Variants in INTS10 observed in about 807,000 individuals in gnomAD.
The protein encoded by INTS10 is chromosome 8 open reading frame 35.
A neutral mutation model predicts 94.4 loss-of-function variants in INTS10; 44 were observed. The observed-to-expected ratio is 0.47, with a 90% CI of 0.37 to 0.60. The LOEUF is 0.60. Ranked by LOEUF, INTS10 falls within the 20% of genes least tolerant of loss-of-function variation. INTS10 has a pLI of 0.00. For synonymous variants in INTS10, 341 were observed against 320.7 expected, an observed-to-expected ratio of 1.06 and a Z score of -0.68; for missense variants, 797 against 868.7, an observed-to-expected ratio of 0.92 and a Z score of 1.04.
At position 19,833,229 on chromosome 8, in the gene INTS10, T is replaced by C; in HGVS notation, c.1438T>C (p.Ser480Pro). 1.2e-6 allele frequency: 2 copies of C among 1,612,934 alleles called. No homozygotes were observed. Among genetic ancestry groups the C allele is most frequent in the Non-Finnish European group, 1.7e-6 (2 of 1,179,456 alleles). ...CTTAGCAGCTCTCCAGGGATCCATT[T>C]CTCAGCCACAGATCACAGGGCAGGG... ...HHLAALQGSI[S>P]QPQITGQGTL... Residue 480 changes from serine to proline, a missense_variant, in exon 12 of 17, where the codon TCT becomes CCT. Ser to Pro is a moderately conservative substitution (Grantham distance 74). This residue lies in a region of INTS10 where 734 missense variants were observed against 787.8 expected (regional missense o/e 0.93). Coordinates refer to ENST00000397977, the MANE Select transcript of INTS10 (RefSeq NM_018142.4).
intron 2 of INTS10, 55 bp downstream of exon 2, chr8:19,818,397 T>A (rs755277564): frequency 8.3e-5 from 128 of 1,551,452 alleles, no homozygotes; most frequent in Non-Finnish European, 1.1e-4. Flanking sequence ...CATGAGGTTT[T>A]GTTTCTCTCT....
At chr8:19,847,263 G>A (rs1455549497) in intron 16 of INTS10, among the ~76,000 whole-genome samples, 1 of 152,170 alleles carries the variant, frequency 6.6e-6, no homozygotes, top group African/African-American at 2.4e-5. Context: ...AAATACACGA[G>A]ACCTTTCTGC....
intron 14 of INTS10, 69 bp downstream of exon 14, chr8:19,842,996 T>G: frequency 9.2e-7 from 1 of 1,084,996 alleles, no homozygotes; most frequent in East Asian, 2.4e-5. Context: ...CTCGAGAACT[T>G]GAGAACCTTG....
intron 13 of INTS10, chr8:19,842,097 G>T (rs190846135): frequency 3.2e-4 from 76 of 237,296 alleles, no homozygotes; most frequent in South Asian, 2.8e-3. Context: ...ATTGCTTAAA[G>T]TTATTTCCAC....
At chr8:19,840,062 CAAAAAAAAAAAA>C (rs56275270) in intron 13 of INTS10, among the ~76,000 whole-genome samples, 354 of 70,350 alleles carry the variant, frequency 5.0e-3, no homozygotes, top group African/African-American at 0.019. Context: ...GACCTTGTCT[CAAAAAAAAAAAA>C]AAAAAAAAAA....
intron 5 of INTS10, 90 bp from the exon 6 acceptor site, chr8:19,823,211 C>A: frequency 2.1e-6 from 2 of 971,862 alleles, no homozygotes; most frequent in Non-Finnish European, 1.6e-6. Context: ...TTAGATACTA[C>A]ATCAAATGAA....
intron 11 of INTS10, among the ~76,000 whole-genome samples, chr8:19,832,637 A>G (rs567389228): frequency 5.9e-5 from 9 of 152,290 alleles, no homozygotes; most frequent in Non-Finnish European, 1.2e-4. Flanking sequence ...GGTATATCCA[A>G]TCACACCTCT....
chr8:19,851,113 G>T lies in INTS10; in HGVS notation c.1977-536G>T, dbSNP rs183413831. On this transcript the variant is annotated intron_variant, in intron 16 of 16. Transcript: ENST00000397977. The surrounding 1 kb of genome is among the most constrained non-coding windows in gnomAD (Gnocchi z 5.0). ...AGGAGCTGCCCTATTCTGGTGTCCT[G>T]GGGAGAGAGACGTGCTTGTGACCCC... Among the ~76,000 whole-genome samples the T allele has an allele frequency of 5.3e-5, 8 of 152,300 alleles. No homozygotes were observed. The highest frequency in any genetic ancestry group is 1.7e-4 in the African/African-American group (7 of 41,560).
rs1338059654 is a variant in INTS10, at chr8:19,851,358, T to TAACA, written c.1977-290_1977-287dup. On this transcript the variant is annotated intron_variant, in intron 16 of 16. Coordinates refer to ENST00000397977, the MANE Select transcript of INTS10 (RefSeq NM_018142.4). This position sits in a 1 kb window ranked among gnomAD's most constrained non-coding sequence, Gnocchi z 5.0. ...TGTACCAGTCAGCAGTAGGGATGCA[T>TAACA]AACACCAGAGCTTCATTGATTCAAA... Among the ~76,000 whole-genome samples, 1 of 152,204 alleles carries TAACA rather than the reference T, an allele frequency of 6.6e-6. No individual in the cohort carries two copies. The highest frequency in any genetic ancestry group is 2.4e-5 in the African/African-American group (1 of 41,442).
At chr8:19,845,860 TA>T in intron 16 of INTS10, 63 bp downstream of exon 16, 1 of 1,126,560 alleles carries the variant, frequency 8.9e-7, no homozygotes, top group Non-Finnish European at 1.3e-6. Flanking sequence ...TTGTATGAAG[TA>T]TTTGTAAATG....
intron 9 of INTS10, among the ~76,000 whole-genome samples, chr8:19,827,564 G>A (rs1245723363): frequency 6.6e-6 from 1 of 152,134 alleles, no homozygotes; most frequent in East Asian, 1.9e-4. Context: ...TGGAGCAGGT[G>A]TGTGGTGAGC....
At position 19,846,558 on chromosome 8, in the gene INTS10, C is replaced by T. The variant is rs1233897517; in HGVS notation, c.1976+761C>T. Among the ~76,000 whole-genome samples the T allele has an allele frequency of 6.6e-6, 1 of 152,156 alleles. No individual in the cohort carries two copies. Among genetic ancestry groups the T allele is most frequent in the Non-Finnish European group, 1.5e-5 (1 of 68,028 alleles). ...TACCTATGAAGCCCTCCTATGCAGT[C>T]CTCATGACTTACATAACAACGAAGT... On this transcript the variant is annotated intron_variant, in intron 16 of 16. Coordinates refer to ENST00000397977, the MANE Select transcript of INTS10 (RefSeq NM_018142.4). This position sits in a 1 kb window ranked among gnomAD's most constrained non-coding sequence, Gnocchi z 4.2.
Position 19,826,331 on chromosome 8 carries a change from C to T in INTS10, c.1007-95C>T, listed in dbSNP as rs1273092220. 3.8e-6 allele frequency: 5 copies of T among 1,313,540 alleles called. No homozygotes were observed. In the African/African-American group the frequency reaches 6.1e-5, roughly 16 times the overall value. 81.4% of individuals were successfully genotyped at this position (1,313,540 alleles called of 1,614,324 possible). On this transcript the variant is annotated intron_variant, in intron 8 of 16. Coordinates refer to ENST00000397977, the MANE Select transcript of INTS10 (RefSeq NM_018142.4). ...TCCCGAGCTCAGGCAATCCTCCTGC[C>T]TCAGCCTCCCAAAGGGCTGGGATTG... is the stretch of plus-strand genomic sequence containing the variant.
chr8:19,819,509 T>A (rs1295096449), intron 2 of INTS10, 64 bp from the exon 3 acceptor site: 2 of 1,288,064 alleles, frequency 1.6e-6, no homozygotes, highest in African/African-American at 3.0e-5. Context: ...AATGCTAACG[T>A]TTTTTCTTTT....
chr8:19,849,220 A>C lies in INTS10; in HGVS notation c.1977-2429A>C, dbSNP rs1350511687. 3.1e-6 allele frequency: 4 copies of C among 1,289,376 alleles called. No individual in the cohort carries two copies. Among genetic ancestry groups the C allele is most frequent in the Non-Finnish European group, 4.0e-6 (4 of 988,612 alleles). The allele number at this position is 1,289,376 out of a possible 1,614,324, so 79.9% of individuals were successfully genotyped here. A position where few individuals can be genotyped will look rare whatever the true frequency, so the allele number is the denominator to read the frequency against. On this transcript the variant is annotated intron_variant, in intron 16 of 16. Transcript: ENST00000397977. The surrounding 1 kb of genome is among the most constrained non-coding windows in gnomAD (Gnocchi z 4.6). ...GGAATTCTTACCTGTGCTTCAGCCC[A>C]GCATACAGACTGCTGACAGGTACCA...
chr8:19,817,461 TGGCTGCCGTGGC>T lies in INTS10; in HGVS notation c.-71_-60del. On this transcript the variant is annotated 5_prime_UTR_variant, in exon 1 of 17. An upstream open reading frame in the 5' UTR gains an earlier in-frame stop. Coordinates refer to ENST00000397977, the MANE Select transcript of INTS10 (RefSeq NM_018142.4). The stretch of plus-strand genomic sequence containing the variant: ...CCCGCGGTGGCGGCGGCGGCGGCGG[TGGCTGCCGTGGC>T]GGCTGAGAGTCCAGAGCCGGACGTT... 6.8e-7 allele frequency: 1 copy of T among 1,467,924 alleles called. No individual in the cohort carries two copies. The highest frequency in any genetic ancestry group is 2.1e-5 in the Admixed American group (1 of 48,388). 90.9% of individuals were successfully genotyped at this position (1,467,924 alleles called of 1,614,324 possible).
At chr8:19,822,843 C>T (rs942636189) in intron 5 of INTS10, among the ~76,000 whole-genome samples, 5 of 151,486 alleles carry the variant, frequency 3.3e-5, no homozygotes, top group South Asian at 4.2e-4. Flanking sequence ...CCAGCTACTA[C>T]GGAGGTTGAG....
At chr8:19,829,273 G>C (rs559100818) in intron 9 of INTS10, among the ~76,000 whole-genome samples, 1 of 152,230 alleles carries the variant, frequency 6.6e-6, no homozygotes, top group South Asian at 2.1e-4. Flanking sequence ...ATTTCATTTG[G>C]GTTATTAAAT....
intron 16 of INTS10, among the ~76,000 whole-genome samples, chr8:19,850,366 A>G (rs2068930600): frequency 6.6e-6 from 1 of 152,056 alleles, no homozygotes; most frequent in Non-Finnish European, 1.5e-5. Flanking sequence ...ATTTGACGAG[A>G]GATAGTCACA....
Sources: gnomAD v4.1 joint callset for allele counts (sites outside exome capture counted in the v4.1 genomes callset) on GRCh38, gnomAD v4.1.1 for gene constraint, gnomAD v4.1.1 regional missense constraint, Gnocchi (gnomAD v3.1) non-coding constraint, MANE v1.5 for transcripts, NCBI Gene and HGNC (gene_info 2026-07-23, HGNC 2026-07-21) for gene names.